C8orf34: variants seen among roughly 807,000 people sequenced by gnomAD.
C8orf34 encodes chromosome 8 open reading frame 34.
In C8orf34, 65 loss-of-function variants were observed where a neutral mutation model predicts 68.3. The observed-to-expected ratio is 0.95, with a 90% CI of 0.78 to 1.17. The LOEUF (loss-of-function observed/expected upper bound fraction) is 1.17, where lower values mean the gene tolerates loss of function less well. Among genes scored for constraint, C8orf34 ranks in the 50% most tolerant of loss-of-function variants. The pLI, the probability that C8orf34 is intolerant of heterozygous loss-of-function variation, is 0.00. For synonymous variants in C8orf34, 244 were observed against 241.2 expected, an observed-to-expected ratio of 1.01 and a Z score of -0.11; for missense variants, 664 against 655.4, an observed-to-expected ratio of 1.01 and a Z score of -0.14.
At chr8:68,419,214 AAC>A (rs1370267401) in intron 1 of C8orf34, among the ~76,000 whole-genome samples, 1 of 150,984 alleles carries the variant, frequency 6.6e-6, no homozygotes, top group Non-Finnish European at 1.5e-5. Context: ...GCAGCCAAAA[AAC>A]ACATGAAAAA....
At chr8:68,388,591 G>T (rs564683741) in intron 1 of C8orf34, among the ~76,000 whole-genome samples, 1 of 152,106 alleles carries the variant, frequency 6.6e-6, no homozygotes, top group African/African-American at 2.4e-5. Context: ...CCAGCCTGAG[G>T]CAATATGGCA....
At chr8:68,459,292 T>C (rs1383607194) in intron 3 of C8orf34, among the ~76,000 whole-genome samples, 1 of 152,122 alleles carries the variant, frequency 6.6e-6, no homozygotes, top group East Asian at 1.9e-4. Flanking sequence ...TGCAGTGGCA[T>C]GGTCTCAGTT....
At chr8:68,568,356 A>T (rs1431214064) in intron 7 of C8orf34, among the ~76,000 whole-genome samples, 1 of 152,162 alleles carries the variant, frequency 6.6e-6, no homozygotes, top group African/African-American at 2.4e-5. Context: ...TCTCTCACTA[A>T]GCTTAATCAT....
intron 1 of C8orf34, 65 bp downstream of exon 1, chr8:68,331,404 G>T: frequency 6.8e-7 from 1 of 1,474,092 alleles, no homozygotes; most frequent in Non-Finnish European, 9.2e-7. Flanking sequence ...AATGAAAACA[G>T]AACACTCCCA....
At chr8:68,636,174 G>C (rs904400400) in intron 7 of C8orf34, among the ~76,000 whole-genome samples, 5 of 152,116 alleles carry the variant, frequency 3.3e-5, no homozygotes, top group Non-Finnish European at 7.4e-5. Context: ...TCTCCAGTTG[G>C]TTCTGAGTTG....
intron 7 of C8orf34, among the ~76,000 whole-genome samples, chr8:68,610,938 C>A (rs1371037949): frequency 6.9e-6 from 1 of 145,894 alleles, no homozygotes; most frequent in Non-Finnish European, 1.5e-5. Context: ...TATCTCAGCT[C>A]ACTGCAACCT....
chr8:68,569,323 A>G (rs1366063468), intron 7 of C8orf34, among the ~76,000 whole-genome samples: 2 of 152,242 alleles, frequency 1.3e-5, no homozygotes, highest in Admixed American at 1.3e-4. Flanking sequence ...TGTCGCCTCT[A>G]CATCTGGTGT....
At chr8:68,356,209 A>G (rs1257232150) in intron 1 of C8orf34, among the ~76,000 whole-genome samples, 1 of 152,198 alleles carries the variant, frequency 6.6e-6, no homozygotes, top group Non-Finnish European at 1.5e-5. Flanking sequence ...ATTTGTCACT[A>G]CAAGTCTGAG....
intron 1 of C8orf34, among the ~76,000 whole-genome samples, chr8:68,353,106 T>C (rs75534872): frequency 0.011 from 1,679 of 152,186 alleles, 28 homozygotes; most frequent in African/African-American, 0.037. Context: ...ACCCATGGGC[T>C]AGACATAAGT....
At chr8:68,672,519 T>C (rs1005001994) in intron 8 of C8orf34, among the ~76,000 whole-genome samples, 1 of 152,088 alleles carries the variant, frequency 6.6e-6, no homozygotes. Context: ...CCGGTCACAA[T>C]GGAAAGCAAC....
chr8:68,700,380 A>T (rs981457240), intron 8 of C8orf34, among the ~76,000 whole-genome samples: 2 of 152,060 alleles, frequency 1.3e-5, no homozygotes, highest in African/African-American at 4.8e-5. Context: ...GATGAAAGCG[A>T]AGAGCGAGAC....
At chr8:68,425,701 C>A (rs115378357) in intron 1 of C8orf34, among the ~76,000 whole-genome samples, 2,075 of 149,074 alleles carry the variant, frequency 0.014, 44 homozygotes, top group African/African-American at 0.047. Flanking sequence ...ATGAAAAGAG[C>A]CTAGAATAGC....
intron 1 of C8orf34, among the ~76,000 whole-genome samples, chr8:68,427,451 A>G (rs1228970728): frequency 6.6e-6 from 1 of 152,240 alleles, no homozygotes; most frequent in African/African-American, 2.4e-5. Context: ...TCAAAAAGAT[A>G]TATACTTCAA....
intron 8 of C8orf34, among the ~76,000 whole-genome samples, chr8:68,652,424 A>G (rs1819389099): frequency 6.6e-6 from 1 of 152,064 alleles, no homozygotes; most frequent in Non-Finnish European, 1.5e-5. Context: ...ATCAAGTCCC[A>G]TTTATCTGTG....
At position 68,470,635 on chromosome 8, in the gene C8orf34, T is replaced by G. The variant is rs368972323; in HGVS notation, c.736+1815T>G. 3.3e-5 allele frequency among the ~76,000 whole-genome samples: 5 copies of G among 152,164 alleles called. No homozygotes were observed. In the East Asian group the frequency reaches 9.7e-4, roughly 29 times the overall value. ...GAGTGACTTATTAACAACAGAAATT[T>G]GTTTCTTATAATTCTGGAGGGTGGA... On this transcript the variant is annotated intron_variant, in intron 4 of 13. Transcript: ENST00000518698.
chr8:68,378,711 A>G (rs139525338), intron 1 of C8orf34, among the ~76,000 whole-genome samples: 1 of 152,356 alleles, frequency 6.6e-6, no homozygotes, highest in Non-Finnish European at 1.5e-5. Context: ...AGAAATTTCT[A>G]GCTAAATAAG....
At chr8:68,730,058 T>C (rs1334453613) in intron 10 of C8orf34, among the ~76,000 whole-genome samples, 1 of 152,160 alleles carries the variant, frequency 6.6e-6, no homozygotes, top group African/African-American at 2.4e-5. Flanking sequence ...CAATTTTTCT[T>C]GCAATGTCCA....
chr8:68,474,560 G>A (rs904149927), intron 4 of C8orf34, among the ~76,000 whole-genome samples: 9 of 152,092 alleles, frequency 5.9e-5, no homozygotes, highest in Non-Finnish European at 5.9e-5. Flanking sequence ...CCCTTATTGA[G>A]CTTATGGCTG....
chr8:68,552,418 A>C (rs1405314974), intron 7 of C8orf34, among the ~76,000 whole-genome samples: 4 of 151,996 alleles, frequency 2.6e-5, no homozygotes, highest in Admixed American at 2.6e-4. Flanking sequence ...TCCTTTGTTA[A>C]ATTTAGTCCT....
Sources: gnomAD v4.1 joint callset for allele counts (sites outside exome capture counted in the v4.1 genomes callset) on GRCh38, gnomAD v4.1.1 for gene constraint, MANE v1.5 for transcripts, NCBI Gene and HGNC (gene_info 2026-07-23, HGNC 2026-07-21) for gene names.